OTOP1: variants seen among roughly 807,000 people sequenced by gnomAD.
The protein encoded by OTOP1 is otopetrin 1.
In OTOP1, 59 loss-of-function variants were observed where a neutral mutation model predicts 52.9. The observed-to-expected ratio is 1.12, with a 90% CI of 0.91 to 1.39. The LOEUF (loss-of-function observed/expected upper bound fraction) is 1.39, where lower values mean the gene tolerates loss of function less well. Among genes scored for constraint, OTOP1 ranks in the 40% most tolerant of loss-of-function variants. The pLI, the probability that OTOP1 is intolerant of heterozygous loss-of-function variation, is 0.00. For missense variants in OTOP1, 761 were observed against 800.9 expected (o/e 0.95, Z 0.60); for synonymous variants, 317 against 337.7 (o/e 0.94, Z 0.67).
chr4:4,219,796 T>C (rs1189517696), intron 1 of OTOP1, among the ~76,000 whole-genome samples: 3 of 148,430 alleles, frequency 2.0e-5, no homozygotes, highest in Admixed American at 1.4e-4. Context: ...TATATATGTA[T>C]AAATATATAT....
chr4:4,193,292 A>C (rs113606888), intron 5 of OTOP1, among the ~76,000 whole-genome samples: 1,813 of 151,980 alleles, frequency 0.012, 43 homozygotes, highest in African/African-American at 0.042. Flanking sequence ...CATCTACACC[A>C]TTCCTTAGAA....
chr4:4,220,979 T>C (rs1822322), intron 1 of OTOP1, among the ~76,000 whole-genome samples: 94,129 of 151,830 alleles, frequency 0.62, 29,524 homozygotes, highest in South Asian at 0.73. Context: ...GGAGGCTCAA[T>C]ATCTCTCAAA....
At chr4:4,193,595 C>T (rs1456404525) in intron 5 of OTOP1, among the ~76,000 whole-genome samples, 1 of 152,134 alleles carries the variant, frequency 6.6e-6, no homozygotes, top group Non-Finnish European at 1.5e-5. Context: ...CACGGGTATC[C>T]TAAGACTCCA....
chr4:4,222,388 G>A (rs188743103), intron 1 of OTOP1, among the ~76,000 whole-genome samples: 165 of 152,084 alleles, frequency 1.1e-3, no homozygotes, highest in African/African-American at 3.6e-3. Flanking sequence ...TGTGACCTCC[G>A]CATCCTTCTC....
intron 1 of OTOP1, among the ~76,000 whole-genome samples, chr4:4,222,356 A>G (rs1453678336): frequency 2.0e-5 from 3 of 152,092 alleles, no homozygotes; most frequent in Non-Finnish European, 4.4e-5. Context: ...TGACAGGTGC[A>G]AGGCAGCAGC....
intron 1 of OTOP1, among the ~76,000 whole-genome samples, chr4:4,225,566 C>CAAAAAAA (rs60600637): frequency 0.037 from 4,150 of 110,966 alleles, 204 homozygotes; most frequent in East Asian, 0.12. Context: ...AACATTGTCT[C>CAAAAAAA]AAAAAAAAAA....
rs111625926 is a variant in OTOP1, at chr4:4,210,869, G to C, written c.540+1999C>G. 8.5e-3 allele frequency among the ~76,000 whole-genome samples: 1,295 copies of C among 152,132 alleles called. 23 individuals are homozygous for C. Among genetic ancestry groups the C allele is most frequent in the African/African-American group, 0.029 (1,215 of 41,496 alleles). The stretch of plus-strand genomic sequence containing the variant: ...CAAAGACACCAGGCATATTGAATTT[G>C]GGCCACCCTAACGATCTTATTTAAC... On this transcript the variant is annotated intron_variant, in intron 2 of 5. Coordinates refer to ENST00000296358, the MANE Select transcript of OTOP1 (RefSeq NM_177998.3).
chr4:4,204,712 CTGTGTGTGTGTG>C (rs10526016), intron 3 of OTOP1, among the ~76,000 whole-genome samples: 9 of 149,890 alleles, frequency 6.0e-5, no homozygotes, highest in Non-Finnish European at 7.4e-5. Context: ...TTTCCTTCAT[CTGTGTGTGTGTG>C]TGTGTGTGTG....
At chr4:4,222,821 T>C (rs1717330645) in intron 1 of OTOP1, among the ~76,000 whole-genome samples, 1 of 152,188 alleles carries the variant, frequency 6.6e-6, no homozygotes, top group African/African-American at 2.4e-5. Context: ...CCAGTCCCTG[T>C]TGGGGCTGAA....
chr4:4,218,189 C>T (rs1268766469), intron 1 of OTOP1, among the ~76,000 whole-genome samples: 4 of 151,790 alleles, frequency 2.6e-5, no homozygotes, highest in Non-Finnish European at 4.4e-5. Context: ...GTCAGGAGTT[C>T]GAGACGAGCC....
At chr4:4,199,673 A>T (rs1716736195) in intron 4 of OTOP1, among the ~76,000 whole-genome samples, 1 of 152,186 alleles carries the variant, frequency 6.6e-6, no homozygotes, top group Non-Finnish European at 1.5e-5. Context: ...TCCGCCTCCC[A>T]AAGTTCTGGG....
At chr4:4,219,440 G>A (rs1446456928) in intron 1 of OTOP1, among the ~76,000 whole-genome samples, 1 of 152,108 alleles carries the variant, frequency 6.6e-6, no homozygotes, top group Admixed American at 6.5e-5. Context: ...GGTGGCTCAC[G>A]CCTGTAATCC....
At chr4:4,194,629 T>C (rs1716581287) in intron 5 of OTOP1, among the ~76,000 whole-genome samples, 1 of 152,222 alleles carries the variant, frequency 6.6e-6, no homozygotes, top group Non-Finnish European at 1.5e-5. Context: ...AGGCCCTGTA[T>C]GCACCATCTG....
At chr4:4,192,474 A>C (rs1006334532) in intron 5 of OTOP1, among the ~76,000 whole-genome samples, 1 of 152,258 alleles carries the variant, frequency 6.6e-6, no homozygotes, top group Non-Finnish European at 1.5e-5. Context: ...TGCTTTTGTC[A>C]TACATTTGGG....
chr4:4,190,618 A>G (rs1716480785), intron 5 of OTOP1, among the ~76,000 whole-genome samples: 1 of 152,238 alleles, frequency 6.6e-6, no homozygotes, highest in Non-Finnish European at 1.5e-5. Flanking sequence ...TAGGTATTCT[A>G]AGTAATCTAG....
At chr4:4,220,611 C>G (rs921801893) in intron 1 of OTOP1, among the ~76,000 whole-genome samples, 7 of 152,184 alleles carry the variant, frequency 4.6e-5, no homozygotes, top group African/African-American at 1.4e-4. Flanking sequence ...TGAGTCATTA[C>G]ATGGAAGTCA....
At chr4:4,220,013 A>ATACATGTATATACATATATATG (rs1404998630) in intron 1 of OTOP1, among the ~76,000 whole-genome samples, 13 of 9,660 alleles carry the variant, frequency 1.3e-3, no homozygotes, top group African/African-American at 0.012. Context: ...ATATATATGT[A>ATACATGTATATACATATATATG]TATACATGTA....
intron 4 of OTOP1, 26 bp downstream of exon 4, chr4:4,202,422 G>GGCCACTCACCTCTCTC (rs1716807995): frequency 6.2e-7 from 1 of 1,612,330 alleles, no homozygotes; most frequent in African/African-American, 1.3e-5. Context: ...ATGGCAGAAG[G>GGCCACTCACCTCTCTC]GCCACTCACC....
chr4:4,202,686 T>C, intron 3 of OTOP1, 108 bp from the exon 4 acceptor site: 1 of 1,434,360 alleles, frequency 7.0e-7, no homozygotes, highest in Non-Finnish European at 9.5e-7. Context: ...TCAGCCATGA[T>C]TCTGGTTTCA....
Sources: allele counts gnomAD v4.1 joint callset (sites outside exome capture counted in the v4.1 genomes callset), GRCh38; gene constraint gnomAD v4.1.1; transcripts MANE v1.5; gene names NCBI Gene and HGNC (gene_info 2026-07-23, HGNC 2026-07-21).